Variants in NTM observed in about 807,000 individuals in gnomAD.
NTM encodes the protein IgLON family member 2.
NTM carries 13 observed loss-of-function variants against 42.1 expected under a neutral mutation model. That is an observed-to-expected ratio of 0.31 (90% CI 0.20 to 0.49). The LOEUF (loss-of-function observed/expected upper bound fraction) is 0.49, where lower values mean the gene tolerates loss of function less well. Ranked by LOEUF, NTM falls within the 20% of genes least tolerant of loss-of-function variation. The probability of loss-of-function intolerance (pLI) is 0.99; values close to 1 mark genes in which losing one functional copy is unlikely to be tolerated. For missense variants in NTM, 373 were observed against 452.8 expected (o/e 0.82, Z 1.60); for synonymous variants, 187 against 179.2 (o/e 1.04, Z -0.35).
intron 1 of NTM, among the ~76,000 whole-genome samples, chr11:131,480,362 T>G (rs978709249): frequency 6.6e-6 from 1 of 152,124 alleles, no homozygotes; most frequent in Admixed American, 6.5e-5. Flanking sequence ...GGATACTACC[T>G]TTCCTCTACC....
chr11:131,588,326 C>T (rs973885505), intron 1 of NTM, among the ~76,000 whole-genome samples: 3 of 152,228 alleles, frequency 2.0e-5, no homozygotes, highest in African/African-American at 7.2e-5. Flanking sequence ...TGCCCCAGAG[C>T]AAAGCCACAG....
chr11:132,086,927 C>A (rs1180381972), intron 2 of NTM, among the ~76,000 whole-genome samples: 1 of 152,038 alleles, frequency 6.6e-6, no homozygotes, highest in Non-Finnish European at 1.5e-5. Context: ...ACACAGTTAC[C>A]CATCTGTAAA....
chr11:132,057,759 G>T, intron 2 of NTM, among the ~76,000 whole-genome samples: 1 of 152,178 alleles, frequency 6.6e-6, no homozygotes, highest in South Asian at 2.1e-4. Context: ...TAGACTCCGC[G>T]TGTTTTTTTC....
At chr11:131,532,800 A>ATT (rs2051490583) in intron 1 of NTM, among the ~76,000 whole-genome samples, 1 of 152,140 alleles carries the variant, frequency 6.6e-6, no homozygotes, top group South Asian at 2.1e-4. Context: ...TGTGGTTTTG[A>ATT]TTTGCATTTC....
At chr11:131,455,391 G>A (rs1950801237) in intron 1 of NTM, 1 of 152,246 alleles carries the variant, frequency 6.6e-6, no homozygotes, top group African/African-American at 2.4e-5. Context: ...TCAGACCACT[G>A]AGCTCAAGTT....
intron 1 of NTM, among the ~76,000 whole-genome samples, chr11:131,822,061 G>C (rs566968895): frequency 6.6e-6 from 1 of 152,266 alleles, no homozygotes; most frequent in African/African-American, 2.4e-5. Flanking sequence ...TCCCTTTAGG[G>C]GTACAAGAAA....
chr11:132,333,146 A>G (rs1478754991), intron 8 of NTM, among the ~76,000 whole-genome samples: 1 of 152,092 alleles, frequency 6.6e-6, no homozygotes, highest in African/African-American at 2.4e-5. Context: ...ATATGAAGCT[A>G]TCTTCATATG....
chr11:131,942,810 G>T (rs906752026), intron 2 of NTM, among the ~76,000 whole-genome samples: 6 of 152,030 alleles, frequency 3.9e-5, no homozygotes, highest in African/African-American at 1.4e-4. Context: ...GCTGGGCATG[G>T]TGACACGTGT....
intron 1 of NTM, among the ~76,000 whole-genome samples, chr11:131,701,115 T>C (rs1265012049): frequency 6.6e-6 from 1 of 152,202 alleles, no homozygotes; most frequent in Non-Finnish European, 1.5e-5. Flanking sequence ...GACAGTATAA[T>C]ATACTAAAAG....
intron 4 of NTM, among the ~76,000 whole-genome samples, chr11:132,256,651 C>A: frequency 7.6e-6 from 1 of 131,672 alleles, no homozygotes; most frequent in East Asian, 2.2e-4. Flanking sequence ...TTTTTTTTTT[C>A]CCCTGGGCTT....
chr11:131,437,736 T>C (rs573079585), intron 1 of NTM, among the ~76,000 whole-genome samples: 37 of 152,344 alleles, frequency 2.4e-4, no homozygotes, highest in African/African-American at 8.9e-4. Flanking sequence ...TGACTCTTTA[T>C]CCAATTTGCC....
intron 4 of NTM, among the ~76,000 whole-genome samples, chr11:132,292,612 T>C (rs2094483614): frequency 6.6e-6 from 1 of 151,844 alleles, no homozygotes; most frequent in South Asian, 2.1e-4. Flanking sequence ...CCAGTTTGTT[T>C]TTTTGATGTT....
At chr11:132,013,728 A>G (rs548489200) in intron 2 of NTM, among the ~76,000 whole-genome samples, 1 of 152,244 alleles carries the variant, frequency 6.6e-6, no homozygotes, top group East Asian at 1.9e-4. Flanking sequence ...TAAGTGTACA[A>G]TTCAATAATT....
chr11:132,004,170 A>G (rs370970262), intron 2 of NTM, among the ~76,000 whole-genome samples: 19 of 152,288 alleles, frequency 1.2e-4, no homozygotes, highest in African/African-American at 4.3e-4. Context: ...GCATTGGGAG[A>G]GTAAAGATGG....
intron 1 of NTM, among the ~76,000 whole-genome samples, chr11:131,497,267 C>T (rs137907389): frequency 0.012 from 1,897 of 152,300 alleles, 31 homozygotes; most frequent in African/African-American, 0.042. Flanking sequence ...CGGCCCACTG[C>T]ATCCTCTGCC....
intron 1 of NTM, among the ~76,000 whole-genome samples, chr11:131,575,363 T>C (rs2057828539): frequency 6.6e-6 from 1 of 152,214 alleles, no homozygotes; most frequent in African/African-American, 2.4e-5. Flanking sequence ...TTTGGGCCTA[T>C]ATATTTTAAT....
At chr11:132,212,288 G>T (rs2082988363) in intron 4 of NTM, 141 bp downstream of exon 4, 3 of 649,218 alleles carry the variant, frequency 4.6e-6, no homozygotes, top group South Asian at 3.9e-5. Context: ...TCATGGCTCT[G>T]CAGAGAACGT....
chr11:131,794,494 C>T (rs2091325968), intron 1 of NTM: 1 of 985,142 alleles, frequency 1.0e-6, no homozygotes, highest in African/African-American at 1.7e-5. Flanking sequence ...TACTTTGTTC[C>T]TTGGGAGTCA....
At chr11:131,405,282 C>G (rs972254821) in intron 1 of NTM, among the ~76,000 whole-genome samples, 4 of 152,152 alleles carry the variant, frequency 2.6e-5, no homozygotes, top group Non-Finnish European at 5.9e-5. Context: ...AATGCCCAGA[C>G]CTTCCCCATG....
Sources: allele counts gnomAD v4.1 joint callset (sites outside exome capture counted in the v4.1 genomes callset), GRCh38; gene constraint gnomAD v4.1.1; transcripts MANE v1.5; gene names NCBI Gene and HGNC (gene_info 2026-07-23, HGNC 2026-07-21).